The following FOXN3 variants were observed in gnomAD, a reference collection of about 807,000 sequenced individuals.
FOXN3 encodes the protein forkhead box N3.
Under a neutral mutation model 38.4 loss-of-function variants are expected in FOXN3, and 7 were observed. The ratio of observed to expected loss-of-function variants is 0.18; its 90% CI spans 0.10 to 0.34. The LOEUF (loss-of-function observed/expected upper bound fraction) is 0.34. Ranked by LOEUF, FOXN3 falls within the 10% of genes least tolerant of loss-of-function variation. The pLI, the probability that FOXN3 is intolerant of heterozygous loss-of-function variation, is 1.00. For synonymous variants in FOXN3, 230 were observed against 242.2 expected (o/e 0.95, Z 0.47); for missense variants, 456 against 613.4 (o/e 0.74, Z 2.71).
intron 4 of FOXN3, among the ~76,000 whole-genome samples, chr14:89,254,288 C>T (rs1289393052): frequency 6.6e-6 from 1 of 152,224 alleles, no homozygotes; most frequent in Non-Finnish European, 1.5e-5. Flanking sequence ...CCATGCTATC[C>T]TGCCTTCTGC....
In FOXN3 at chr14:89,280,702, G is replaced by A. The variant is rs566161470; in HGVS notation, c.745+248C>T. ...ACACTTCCAGAATATGAACAGTGAC[G>A]GCGGGCCAAAGAAGCAGTCCTTAGA... On this transcript the variant is annotated intron_variant, in intron 4 of 5. Coordinates refer to ENST00000557258, the MANE Select transcript of FOXN3 (RefSeq NM_005197.4). 1.5e-3 allele frequency among the ~76,000 whole-genome samples: 230 copies of A among 152,146 alleles called. 1 individual carries two copies. Among genetic ancestry groups the A allele is most frequent in the African/African-American group, 5.4e-3 (225 of 41,500 alleles).
intron 3 of FOXN3, among the ~76,000 whole-genome samples, chr14:89,295,762 A>ATTTTTTTTTTTTTTT (rs1032063820): frequency 3.2e-4 from 39 of 123,212 alleles, no homozygotes; most frequent in Non-Finnish European, 5.1e-4. Context: ...TAATTTTTGC[A>ATTTTTTTTTTTTTTT]TTTTTTTTTT....
intron 1 of FOXN3, among the ~76,000 whole-genome samples, chr14:89,478,522 C>T (rs908320934): frequency 3.9e-5 from 6 of 152,040 alleles, no homozygotes; most frequent in African/African-American, 1.5e-4. Flanking sequence ...ATCTTACTTC[C>T]AATTATCAGT....
rs1887025833 is a variant in FOXN3, at chr14:89,158,399, CAAA to C, written c.*4012_*4014del. The C allele has an allele frequency of 6.6e-6, 1 of 152,510 alleles. No homozygotes were observed. The highest frequency in any genetic ancestry group is 2.1e-4 in the South Asian group (1 of 4,832). 9.4% of individuals were successfully genotyped at this position (152,510 alleles called of 1,614,324 possible). A position where few individuals can be genotyped will look rare whatever the true frequency, so the allele number is the denominator to read the frequency against. ...AGACACATTGAATGCCTCTGCAAAA[CAAA>C]AGAAAACTCTGTTCTTGGGAATCGG... On this transcript the variant is annotated 3_prime_UTR_variant, in exon 6 of 6. Transcript: ENST00000557258.
intron 4 of FOXN3, among the ~76,000 whole-genome samples, chr14:89,211,203 G>C (rs1475512038): frequency 6.6e-6 from 1 of 152,208 alleles, no homozygotes. Context: ...CCTGAGCCCA[G>C]ATTCAAAGCA....
At chr14:89,355,008 C>T (rs1889150052) in intron 2 of FOXN3, 4 of 150,584 alleles carry the variant, frequency 2.7e-5, no homozygotes. Context: ...ACACTAACAC[C>T]CCCAGAAAAA....
intron 5 of FOXN3, among the ~76,000 whole-genome samples, chr14:89,173,584 T>G (rs1482775676): frequency 6.6e-6 from 1 of 152,176 alleles, no homozygotes; most frequent in African/African-American, 2.4e-5. Flanking sequence ...TAATGGGATA[T>G]TATATAGCAG....
intron 2 of FOXN3, among the ~76,000 whole-genome samples, chr14:89,360,789 A>T (rs1257542424): frequency 3.9e-4 from 24 of 60,950 alleles, no homozygotes; most frequent in African/African-American, 1.2e-3. Flanking sequence ...CACCACCTCC[A>T]CCACCACCAC....
At chr14:89,460,652 T>C (rs1322821470) in intron 1 of FOXN3, among the ~76,000 whole-genome samples, 3 of 152,038 alleles carry the variant, frequency 2.0e-5, no homozygotes, top group Non-Finnish European at 4.4e-5. Context: ...TATCAATCAA[T>C]CAATCAATCA....
At chr14:89,343,620 G>A (rs1268398580) in intron 3 of FOXN3, among the ~76,000 whole-genome samples, 2 of 126,640 alleles carry the variant, frequency 1.6e-5, no homozygotes, top group African/African-American at 3.0e-5. Flanking sequence ...GGCCATTAAT[G>A]TGTGTGGTTT....
intron 2 of FOXN3, among the ~76,000 whole-genome samples, chr14:89,351,639 G>T (rs986041534): frequency 6.6e-6 from 1 of 152,192 alleles, no homozygotes; most frequent in African/African-American, 2.4e-5. Context: ...GCAGGCCGAC[G>T]GGCAATCGTT....
intron 2 of FOXN3, among the ~76,000 whole-genome samples, chr14:89,360,759 TCCA>T (rs1388687496): frequency 2.6e-5 from 1 of 38,918 alleles, no homozygotes; most frequent in Non-Finnish European, 4.4e-5. Context: ...CACCACCACC[TCCA>T]CCACTACCAC....
rs1218816657 is a variant in FOXN3 at position 89,360,727 on chromosome 14, C to CCACCACCTCCAG, written c.544-9931_544-9920dup. On this transcript the variant is annotated intron_variant, in intron 2 of 5. Coordinates refer to ENST00000557258, the MANE Select transcript of FOXN3 (RefSeq NM_005197.4). ...ACCACCTCCAGCACTACCTCCACCACCACCACCTCCAGCACCACCTCCACC... is the reference window on the plus strand; with the variant it reads ...ACCACCTCCAGCACTACCTCCACCACCACCACCTCCAGCACCACCTCCAGCACCACCTCCACC... 7.3e-5 allele frequency among the ~76,000 whole-genome samples: 10 copies of CCACCACCTCCAG among 136,848 alleles called. 1 individual carries two copies. The highest frequency in any genetic ancestry group is 2.1e-4 in the African/African-American group (7 of 33,780). 89.8% of individuals were successfully genotyped at this position (136,848 alleles called of 152,430 possible). A position where few individuals can be genotyped will look rare whatever the true frequency, so the allele number is the denominator to read the frequency against.
At chr14:89,424,251 T>A (rs557084742) in intron 1 of FOXN3, among the ~76,000 whole-genome samples, 34 of 152,312 alleles carry the variant, frequency 2.2e-4, no homozygotes, top group Non-Finnish European at 4.6e-4. Flanking sequence ...CATTTTCACA[T>A]TCTCAGAGAC....
At chr14:89,469,794 C>T (rs1329258927) in intron 1 of FOXN3, among the ~76,000 whole-genome samples, 4 of 152,178 alleles carry the variant, frequency 2.6e-5, no homozygotes, top group East Asian at 1.9e-4. Flanking sequence ...TGTCTTCATC[C>T]GAAGGAGAGA....
At chr14:89,524,350 G>C (rs1394089072) in intron 1 of FOXN3, among the ~76,000 whole-genome samples, 1 of 99,970 alleles carries the variant, frequency 1.0e-5, no homozygotes, top group Non-Finnish European at 1.8e-5. Flanking sequence ...ACTCCAGCCT[G>C]GCGACAGCAA....
intron 4 of FOXN3, among the ~76,000 whole-genome samples, chr14:89,232,005 A>T (rs1282783411): frequency 6.6e-6 from 1 of 152,212 alleles, no homozygotes; most frequent in Non-Finnish European, 1.5e-5. Flanking sequence ...TGTTGCGGGA[A>T]GGCGTGGAGC....
intron 1 of FOXN3, among the ~76,000 whole-genome samples, chr14:89,467,800 C>CTTTCTTTTTTTT (rs1383456566): frequency 1.7e-5 from 1 of 57,916 alleles, no homozygotes; most frequent in African/African-American, 5.3e-5. Flanking sequence ...TCTTTTCTTT[C>CTTTCTTTTTTTT]TTTGTTTTTT....
chr14:89,290,884 CA>C, intron 3 of FOXN3: 2 of 286,266 alleles, frequency 7.0e-6, no homozygotes, highest in Non-Finnish European at 1.4e-5. Flanking sequence ...TCTTCATTCT[CA>C]AAAAGTGGAG....
Sources: allele counts gnomAD v4.1 joint callset (sites outside exome capture counted in the v4.1 genomes callset), GRCh38; gene constraint gnomAD v4.1.1; transcripts MANE v1.5; gene names NCBI Gene and HGNC (gene_info 2026-07-23, HGNC 2026-07-21).